The following FOXP1 variants were observed in gnomAD, a reference collection of about 807,000 sequenced individuals.
FOXP1 encodes the protein forkhead box P1, also known as forkhead box protein P1.
FOXP1 carries 15 observed loss-of-function variants against 98.2 expected under a neutral mutation model. The ratio of observed to expected loss-of-function variants is 0.15; its 90% confidence interval spans 0.10 to 0.24. The LOEUF is 0.24. FOXP1 is among the 10% of genes least tolerant of loss of function. The probability of loss-of-function intolerance (pLI) is 1.00; values close to 1 mark genes in which losing one functional copy is unlikely to be tolerated. For synonymous variants in FOXP1, 371 were observed against 314.5 expected (o/e 1.18, Z -1.90); for missense variants, 633 against 848.5 (o/e 0.75, Z 3.15).
intron 6 of FOXP1, among the ~76,000 whole-genome samples, chr3:71,190,638 CAAA>C (rs55747148): frequency 2.3e-5 from 1 of 43,496 alleles, no homozygotes; most frequent in Admixed American, 2.9e-4. Flanking sequence ...ACCCCATCTC[CAAA>C]AAAAAAAAAA....
intron 5 of FOXP1, among the ~76,000 whole-genome samples, chr3:71,233,226 C>T (rs998570763): frequency 9.1e-6 from 1 of 109,416 alleles, no homozygotes; most frequent in Non-Finnish European, 1.8e-5. Flanking sequence ...GGAGGGAAGG[C>T]ATGGGAGGGG....
At chr3:70,969,350 G>A (rs2035679869) in intron 19 of FOXP1, 1 of 152,146 alleles carries the variant, frequency 6.6e-6, no homozygotes, top group Non-Finnish European at 1.5e-5. Flanking sequence ...GCAGAAAGTA[G>A]TTTCTCCTAT....
intron 2 of FOXP1, among the ~76,000 whole-genome samples, chr3:71,579,148 C>G (rs914650851): frequency 6.6e-6 from 1 of 151,846 alleles, no homozygotes; most frequent in Non-Finnish European, 1.5e-5. Flanking sequence ...TATTTTTATT[C>G]TTCTGTATGT....
In FOXP1 at chr3:70,954,836, C is replaced by CT. The variant is rs1305837541; in HGVS notation, c.*4410_*4411insA. 4.3e-6 allele frequency: 1 copy of CT among 232,238 alleles called. No homozygotes were observed. Among genetic ancestry groups the CT allele is most frequent in the Non-Finnish European group, 8.5e-6 (1 of 117,562 alleles). The allele number at this position is 232,238 out of a possible 1,614,324, so 14.4% of individuals were successfully genotyped here. On this transcript the variant is annotated 3_prime_UTR_variant, in exon 21 of 21. Coordinates refer to ENST00000649528, the MANE Select transcript of FOXP1 (RefSeq NM_001349338.3). ...CCGCAGACATGGAATGATGGAATTA[C>CT]AGTTGATGTCAAGGAATGAGTTTCT...
chr3:71,308,013 T>C (rs142728846), intron 4 of FOXP1, among the ~76,000 whole-genome samples: 1 of 152,288 alleles, frequency 6.6e-6, no homozygotes, highest in East Asian at 1.9e-4. Flanking sequence ...CGGGAGCGAA[T>C]GGCACAGACA....
At chr3:71,540,391 G>A (rs1210955106) in intron 2 of FOXP1, among the ~76,000 whole-genome samples, 4 of 152,214 alleles carry the variant, frequency 2.6e-5, no homozygotes, top group African/African-American at 9.7e-5. Flanking sequence ...AGAGTGAAGG[G>A]GGGACAAGAA....
At chr3:71,324,481 G>A (rs535408327) in intron 4 of FOXP1, among the ~76,000 whole-genome samples, 1 of 152,272 alleles carries the variant, frequency 6.6e-6, no homozygotes, top group South Asian at 2.1e-4. Flanking sequence ...ACGGATGAAG[G>A]TGGAAATCAT....
chr3:71,205,536 G>T (rs539082292), intron 5 of FOXP1, among the ~76,000 whole-genome samples: 1 of 152,114 alleles, frequency 6.6e-6, no homozygotes. Flanking sequence ...AAACAAATGT[G>T]GCCACTCATT....
At chr3:71,194,125 C>T (rs1328542555) in intron 6 of FOXP1, among the ~76,000 whole-genome samples, 1 of 152,056 alleles carries the variant, frequency 6.6e-6, no homozygotes, top group Non-Finnish European at 1.5e-5. Flanking sequence ...CTAAATATGG[C>T]ATATCTTAAA....
In FOXP1 at chr3:71,380,433, T is replaced by A. The variant is rs564960768; in HGVS notation, c.-167-21189A>T. Among the ~76,000 whole-genome samples the A allele has an allele frequency of 3.4e-4, 52 of 152,234 alleles. 1 individual carries two copies. The highest frequency in any genetic ancestry group is 5.9e-4 in the Admixed American group (9 of 15,294). ...ACAGCAAAGGCCAAGAGGCTCAGCA[T>A]GAGCCTAGGCCAAAGGCTTCCCAGA... is the stretch of plus-strand genomic sequence containing the variant. On this transcript the variant is annotated intron_variant, in intron 3 of 20. Transcript: ENST00000649528.
chr3:71,009,384 T>C (rs1214209765), intron 12 of FOXP1, among the ~76,000 whole-genome samples: 1 of 152,086 alleles, frequency 6.6e-6, no homozygotes, highest in East Asian at 1.9e-4. Flanking sequence ...ACGGCTGCTT[T>C]TGTACCCCAA....
chr3:71,353,438 G>A (rs1232976714), intron 4 of FOXP1, among the ~76,000 whole-genome samples: 5 of 152,070 alleles, frequency 3.3e-5, no homozygotes, highest in Non-Finnish European at 7.3e-5. Context: ...AAATCTGGGT[G>A]TTAGCCACTC....
chr3:71,169,783 CAAAA>C (rs34872916), intron 6 of FOXP1, among the ~76,000 whole-genome samples: 4 of 82,900 alleles, frequency 4.8e-5, no homozygotes, highest in African/African-American at 3.5e-5. Flanking sequence ...AAATTACTGG[CAAAA>C]AAAAAAAAAA....
At chr3:71,267,118 G>GGA (rs112093872) in intron 5 of FOXP1, among the ~76,000 whole-genome samples, 5,252 of 143,288 alleles carry the variant, frequency 0.037, 161 homozygotes, top group African/African-American at 0.082. Flanking sequence ...GCATTTTATG[G>GGA]GAGAGAGTGT....
chr3:71,447,124 G>A (rs773684359), intron 3 of FOXP1, among the ~76,000 whole-genome samples: 3 of 152,212 alleles, frequency 2.0e-5, no homozygotes, highest in Non-Finnish European at 2.9e-5. Context: ...TCTGGGCTCT[G>A]CATAGGAAAC....
intron 11 of FOXP1, among the ~76,000 whole-genome samples, chr3:71,032,577 G>A (rs1027020717): frequency 7.2e-5 from 11 of 152,206 alleles, no homozygotes; most frequent in African/African-American, 2.7e-4. Flanking sequence ...CTTCAGGAAT[G>A]CTGTACATAT....
chr3:71,330,303 GA>G (rs1451424493), intron 4 of FOXP1, among the ~76,000 whole-genome samples: 1 of 152,112 alleles, frequency 6.6e-6, no homozygotes, highest in Non-Finnish European at 1.5e-5. Context: ...ACTTTCTTGT[GA>G]TTTTAATCTT....
intron 4 of FOXP1, among the ~76,000 whole-genome samples, chr3:71,352,141 C>T (rs1346177524): frequency 2.0e-5 from 3 of 152,012 alleles, no homozygotes; most frequent in South Asian, 2.1e-4. Flanking sequence ...AATATGTGTG[C>T]GTGAGGAAGA....
At chr3:71,148,398 T>C (rs1040430427) in intron 6 of FOXP1, among the ~76,000 whole-genome samples, 1 of 151,884 alleles carries the variant, frequency 6.6e-6, no homozygotes, top group Non-Finnish European at 1.5e-5. Flanking sequence ...AAAAAAAAAC[T>C]AATAATAACA....
Sources: gnomAD v4.1 joint callset for allele counts (sites outside exome capture counted in the v4.1 genomes callset) on GRCh38, gnomAD v4.1.1 for gene constraint, MANE v1.5 for transcripts, NCBI Gene and HGNC (gene_info 2026-07-23, HGNC 2026-07-21) for gene names.